ELAVL4: variants seen among roughly 807,000 people sequenced by gnomAD.
The protein encoded by ELAVL4 is ELAV-like protein 4.
ELAVL4 carries 1 observed loss-of-function variant against 35.6 expected under a neutral mutation model. That is an observed-to-expected ratio of 0.03 (90% CI 0.01 to 0.13). The LOEUF (loss-of-function observed/expected upper bound fraction) is 0.13. Among genes scored for constraint, ELAVL4 ranks in the 10% least tolerant of loss-of-function variants. The pLI is 1.00. For missense variants in ELAVL4, 267 were observed against 464.9 expected, an observed-to-expected ratio of 0.57 and a Z score of 3.91; for synonymous variants, 156 against 171.0, an observed-to-expected ratio of 0.91 and a Z score of 0.69.
At position 50,154,116 on chromosome 1, in the gene ELAVL4, G is replaced by T. The variant is rs187463462; in HGVS notation, c.250+8919G>T. Among the ~76,000 whole-genome samples, 50 of 152,296 alleles carry T rather than the reference G, an allele frequency of 3.3e-4. 1 individual carries two copies. The highest frequency in any genetic ancestry group is 1.1e-3 in the African/African-American group (47 of 41,550). ...GCAGGACTACTCTGTCGGGTAAATG[G>T]GGATACCACCTTTGTGTCAGTGAAA... is the stretch of plus-strand genomic sequence containing the variant. On this transcript the variant is annotated intron_variant, in intron 2 of 6. Coordinates refer to ENST00000371824, the MANE Select transcript of ELAVL4 (RefSeq NM_001144774.3).
At chr1:50,121,095 T>C (rs1473855154) in intron 1 of ELAVL4, among the ~76,000 whole-genome samples, 1 of 152,080 alleles carries the variant, frequency 6.6e-6, no homozygotes, top group African/African-American at 2.4e-5. Flanking sequence ...TAGGTTGTCA[T>C]AATATGGCTT....
At chr1:50,121,072 A>T (rs988396515) in intron 1 of ELAVL4, among the ~76,000 whole-genome samples, 1 of 152,062 alleles carries the variant, frequency 6.6e-6, no homozygotes, top group African/African-American at 2.4e-5. Context: ...CTCAAAAAAA[A>T]TGTTTATTGA....
At chr1:50,167,469 C>G (rs1572496743) in intron 2 of ELAVL4, among the ~76,000 whole-genome samples, 1 of 152,118 alleles carries the variant, frequency 6.6e-6, no homozygotes, top group Non-Finnish European at 1.5e-5. Context: ...GAGGACAAAC[C>G]TCTGCCCTTT....
chr1:50,125,077 G>T (rs1669669885), intron 1 of ELAVL4, among the ~76,000 whole-genome samples: 1 of 151,870 alleles, frequency 6.6e-6, no homozygotes, highest in Non-Finnish European at 1.5e-5. Context: ...AATAGAGTAA[G>T]TAAGTAGTAA....
intron 1 of ELAVL4, among the ~76,000 whole-genome samples, chr1:50,144,008 C>G (rs1211549934): frequency 6.6e-6 from 1 of 152,090 alleles, no homozygotes; most frequent in Non-Finnish European, 1.5e-5. Flanking sequence ...CCAGCATTTT[C>G]TCAGAACTGT....
chr1:50,049,647 T>G (rs1445253866), intron 1 of ELAVL4, among the ~76,000 whole-genome samples: 1 of 152,170 alleles, frequency 6.6e-6, no homozygotes, highest in Non-Finnish European at 1.5e-5. Context: ...TGTGGCACTG[T>G]GGCTTATGGG....
At position 50,177,229 on chromosome 1, in the gene ELAVL4, T is replaced by A. The variant is rs373360050; in HGVS notation, c.354+37T>A. On this transcript the variant is annotated intron_variant, in intron 3 of 6. Transcript: ENST00000371824. ...TGTGCTGGCTCCTGATTCAGGAGGC[T>A]CTGGTTAAATTTCATTCTGTTGATC... The A allele has an allele frequency of 5.0e-4, 751 of 1,488,946 alleles. 7 individuals carry two copies. The South Asian group carries it at 6.3e-3, about 12-fold the overall frequency. 92.2% of individuals were successfully genotyped at this position (1,488,946 alleles called of 1,614,324 possible).
intron 1 of ELAVL4, among the ~76,000 whole-genome samples, chr1:50,132,812 A>C (rs556070223): frequency 6.6e-6 from 1 of 152,278 alleles, no homozygotes; most frequent in East Asian, 1.9e-4. Flanking sequence ...TCAGATTATA[A>C]AACTGCTGTA....
chr1:50,141,058 C>T (rs540953268), intron 1 of ELAVL4, among the ~76,000 whole-genome samples: 21 of 152,264 alleles, frequency 1.4e-4, no homozygotes, highest in African/African-American at 5.1e-4. Flanking sequence ...TTTGCTGCAG[C>T]CTTGTTACTT....
rs530006457 is a variant in ELAVL4 at position 50,203,741 on chromosome 1, T to C, written c.*2563T>C. 3 of 152,298 alleles carry C rather than the reference T, an allele frequency of 2.0e-5. No homozygotes were observed. In the South Asian group the frequency reaches 6.2e-4, roughly 32 times the overall value. 9.4% of individuals were successfully genotyped at this position (152,298 alleles called of 1,614,324 possible). The stretch of plus-strand genomic sequence containing the variant: ...GTTTGAATTATTTGTACTTTATCTG[T>C]CCAGACAATAAATGAAAGTGTGTAG... On this transcript the variant is annotated 3_prime_UTR_variant, in exon 7 of 7. Coordinates refer to ENST00000371824, the MANE Select transcript of ELAVL4 (RefSeq NM_001144774.3).
chr1:50,153,624 G>GAGATT (rs1318758117), intron 2 of ELAVL4, among the ~76,000 whole-genome samples: 4 of 152,190 alleles, frequency 2.6e-5, no homozygotes, highest in Non-Finnish European at 5.9e-5. Flanking sequence ...GAATTTGGTA[G>GAGATT]AGATTAGATT....
intron 1 of ELAVL4, among the ~76,000 whole-genome samples, chr1:50,129,878 C>T (rs903936193): frequency 6.6e-6 from 1 of 152,114 alleles, no homozygotes; most frequent in African/African-American, 2.4e-5. Context: ...GTACTGAGTG[C>T]TTACTGTGTA....
chr1:50,141,740 G>A (rs1042874474), intron 1 of ELAVL4: 2 of 152,218 alleles, frequency 1.3e-5, no homozygotes, highest in Non-Finnish European at 2.9e-5. Flanking sequence ...CTTCTCAGAA[G>A]CTTTTTGCTT....
At chr1:50,166,518 A>G (rs1677947676) in intron 2 of ELAVL4, among the ~76,000 whole-genome samples, 1 of 152,236 alleles carries the variant, frequency 6.6e-6, no homozygotes, top group Non-Finnish European at 1.5e-5. Flanking sequence ...ACCCATGACA[A>G]TTACAGTCCC....
intron 1 of ELAVL4, among the ~76,000 whole-genome samples, chr1:50,133,599 A>AAAAGAAAAAG (rs1553174457): frequency 1.2e-4 from 15 of 129,178 alleles, no homozygotes; most frequent in Non-Finnish European, 2.0e-4. Flanking sequence ...AGAAAGAAAG[A>AAAAGAAAAAG]AAAGAAAGAA....
chr1:50,085,714 A>T (rs975688292), intron 1 of ELAVL4, among the ~76,000 whole-genome samples: 1 of 152,218 alleles, frequency 6.6e-6, no homozygotes, highest in Admixed American at 6.5e-5. Flanking sequence ...TACCATTTTT[A>T]TTCAGATATC....
intron 3 of ELAVL4, among the ~76,000 whole-genome samples, chr1:50,187,319 T>C (rs1473348278): frequency 6.6e-6 from 1 of 152,194 alleles, no homozygotes; most frequent in East Asian, 1.9e-4. Context: ...ATACAGCAAG[T>C]GTATCAAAGC....
At chr1:50,192,990 G>A (rs545915356) in intron 3 of ELAVL4, among the ~76,000 whole-genome samples, 10 of 152,200 alleles carry the variant, frequency 6.6e-5, no homozygotes, top group Middle Eastern at 3.4e-3. Flanking sequence ...TTACAAAGTC[G>A]AACTTATTAT....
At chr1:50,099,186 G>A (rs1468327697), upstream of ELAVL4, among the ~76,000 whole-genome samples, 1 of 152,100 alleles carries the variant, frequency 6.6e-6, no homozygotes, top group Non-Finnish European at 1.5e-5. Flanking sequence ...CATATTCCAG[G>A]TACTGTTATT....
Sources: allele counts gnomAD v4.1 joint callset (sites outside exome capture counted in the v4.1 genomes callset), GRCh38; gene constraint gnomAD v4.1.1; transcripts MANE v1.5; gene names NCBI Gene and HGNC (gene_info 2026-07-23, HGNC 2026-07-21).